Variants in RALGDS observed in about 807,000 individuals in gnomAD.
RALGDS encodes ral guanine nucleotide exchange factor.
Under a neutral mutation model 99.8 loss-of-function variants are expected in RALGDS, and 44 were observed. The observed-to-expected ratio is 0.44, with a 90% CI of 0.35 to 0.57. The LOEUF (loss-of-function observed/expected upper bound fraction) is 0.57, where lower values mean the gene tolerates loss of function less well. Ranked by LOEUF, RALGDS falls within the 20% of genes least tolerant of loss-of-function variation. RALGDS has a pLI of 0.01. For synonymous variants in RALGDS, 529 were observed against 505.0 expected (o/e 1.05, Z -0.64); for missense variants, 1,022 against 1,203.1 (o/e 0.85, Z 2.23).
In RALGDS at chr9:133,106,016, C is replaced by T. The variant is rs1381588873; in HGVS notation, c.1518G>A (p.Arg506=). ...RLKKTWEDVS[R]DSFRIFQKLS... ...GCTTCTGAAAGATCCGGAAACTGTC[C>T]CTGTCAGAAGGGCAAAGAAGGAAAG... Residue 506 remains arginine, a splice_region_variant and synonymous_variant, in exon 9 of 18, where the codon AGG becomes AGA. Coordinates refer to ENST00000372050, the MANE Select transcript of RALGDS (RefSeq NM_006266.4). 5.0e-6 allele frequency: 8 copies of T among 1,607,544 alleles called. No homozygotes were observed. The highest frequency in any genetic ancestry group is 1.1e-5 in the South Asian group (1 of 90,824).
At chr9:133,123,815 G>T (rs56296418), upstream of RALGDS, among the ~76,000 whole-genome samples, 8,292 of 18,978 alleles carry the variant, frequency 0.44, 2,570 homozygotes, top group Middle Eastern at 0.63. Flanking sequence ...GACACACACA[G>T]AGAGACAGAG....
At chr9:133,102,748 C>G in intron 13 of RALGDS, 31 bp downstream of exon 13, 4 of 1,607,194 alleles carry the variant, frequency 2.5e-6, no homozygotes, top group African/African-American at 1.3e-5. Context: ...CAGCCTGCCC[C>G]CACTGTCCCC....
intron 6 of RALGDS, 61 bp downstream of exon 6, chr9:133,107,926 TG>T: frequency 6.3e-7 from 1 of 1,589,352 alleles, no homozygotes; most frequent in Non-Finnish European, 8.6e-7. Context: ...ATGGTAGGTC[TG>T]GGACAGCAGA....
chr9:133,108,177 C>G lies in RALGDS; in HGVS notation c.1008G>C (p.Glu336Asp). 6.2e-7 allele frequency: 1 copy of G among 1,613,022 alleles called. No homozygotes were observed. Among genetic ancestry groups the G allele is most frequent in the Non-Finnish European group, 8.5e-7 (1 of 1,179,978 alleles). Residue 336 changes from glutamate to aspartate, a missense_variant, in exon 6 of 18, where the codon GAG becomes GAC. By Grantham distance (45) the Glu-to-Asp change is conservative. Coordinates refer to ENST00000372050, the MANE Select transcript of RALGDS (RefSeq NM_006266.4). ...GAGCTGGATCCTGTTCTGGAGCTGG[C>G]TCTAGTTCCAGAGCTGGCGCTGGAG... ...ESAPAPALEL[E>D]PAPEQDPAPS...
At chr9:133,104,554 G>A (rs1588515552) in intron 9 of RALGDS, 3 of 563,934 alleles carry the variant, frequency 5.3e-6, no homozygotes, top group Non-Finnish European at 9.6e-6. Context: ...GCTCACGCCT[G>A]TAATCCCAGC....
intron 1 of RALGDS, among the ~76,000 whole-genome samples, chr9:133,147,526 C>G (rs951862426): frequency 8.5e-5 from 13 of 152,170 alleles, no homozygotes; most frequent in Admixed American, 7.9e-4. Context: ...AAAGAGGAAG[C>G]TCTTGGAGCC....
chr9:133,126,838 G>A (rs544782033), intron 1 of RALGDS, among the ~76,000 whole-genome samples: 7 of 152,192 alleles, frequency 4.6e-5, no homozygotes, highest in Non-Finnish European at 7.3e-5. Flanking sequence ...GGCATCTTAA[G>A]TCACTCTCTG....
At chr9:133,102,607 G>A (rs1215718935) in intron 13 of RALGDS, 36 bp from the exon 14 acceptor site, 6 of 1,609,266 alleles carry the variant, frequency 3.7e-6, no homozygotes, top group Non-Finnish European at 5.1e-6. Context: ...ACAACCAGGG[G>A]CCATGCTCCG....
intron 1 of RALGDS, among the ~76,000 whole-genome samples, chr9:133,136,436 G>A (rs766251846): frequency 4.6e-5 from 7 of 151,962 alleles, no homozygotes; most frequent in Non-Finnish European, 1.0e-4. Context: ...TCAGGAGTTC[G>A]AGACCAGCCT....
chr9:133,110,828 T>C (rs1474990518), intron 2 of RALGDS, among the ~76,000 whole-genome samples: 5 of 152,180 alleles, frequency 3.3e-5, no homozygotes, highest in Non-Finnish European at 7.3e-5. Flanking sequence ...ACGCCTGTCA[T>C]CCCAGCATTT....
At chr9:133,105,637 C>T (rs1201057830) in intron 9 of RALGDS, among the ~76,000 whole-genome samples, 2 of 152,156 alleles carry the variant, frequency 1.3e-5, no homozygotes, top group African/African-American at 4.8e-5. Flanking sequence ...GGCGAGGAAG[C>T]CAGAGGCCTG....
At chr9:133,142,587 C>T (rs563381579) in intron 1 of RALGDS, among the ~76,000 whole-genome samples, 12 of 152,306 alleles carry the variant, frequency 7.9e-5, no homozygotes, top group Admixed American at 7.2e-4. Context: ...GGCTTGGCTG[C>T]CCTGGGAGGG....
chr9:133,135,794 C>G (rs1225111474), upstream of RALGDS, among the ~76,000 whole-genome samples: 1 of 152,206 alleles, frequency 6.6e-6, no homozygotes, highest in African/African-American at 2.4e-5. Context: ...GGATGGGAAG[C>G]ACTCAAGATA....
At chr9:133,137,500 G>A (rs1832446642) in intron 1 of RALGDS, among the ~76,000 whole-genome samples, 1 of 152,274 alleles carries the variant, frequency 6.6e-6, no homozygotes, top group Non-Finnish European at 1.5e-5. Context: ...GCCTGAGGGA[G>A]GGCAGGGGGC....
intron 1 of RALGDS, among the ~76,000 whole-genome samples, chr9:133,138,990 G>A (rs1235658178): frequency 6.6e-6 from 1 of 152,230 alleles, no homozygotes; most frequent in Non-Finnish European, 1.5e-5. Flanking sequence ...CACACTCACT[G>A]TGGCAACGTG....
intron 8 of RALGDS, 32 bp downstream of exon 8, chr9:133,106,613 T>G (rs1414403222): frequency 2.6e-6 from 4 of 1,516,082 alleles, no homozygotes; most frequent in Non-Finnish European, 3.6e-6. Flanking sequence ...AGGTCCCTGG[T>G]GCACCAGGAG....
upstream of RALGDS, among the ~76,000 whole-genome samples, chr9:133,125,611 C>T (rs964718955): frequency 6.6e-6 from 1 of 152,124 alleles, no homozygotes; most frequent in Non-Finnish European, 1.5e-5. Context: ...TGACGCGTGC[C>T]TGTAATCCCA....
rs1482802229 is a variant in RALGDS at position 133,108,696 on chromosome 9, T to C, written c.755A>G (p.Glu252Gly). 8 of 1,613,486 alleles carry C rather than the reference T, an allele frequency of 5.0e-6. No individual in the cohort carries two copies. The highest frequency in any genetic ancestry group is 6.8e-6 in the Non-Finnish European group (8 of 1,179,998). The change falls in exon 5 of 18, where the codon GAA becomes GGA. Residue 252 changes from glutamate (E) to glycine (G), a missense_variant. By Grantham distance (98) the Glu-to-Gly change is moderately conservative. This residue lies in a region of RALGDS where 825 missense variants were observed against 994.5 expected (regional missense o/e 0.83). Coordinates refer to ENST00000372050, the MANE Select transcript of RALGDS (RefSeq NM_006266.4). ...HLLLAQLEHSEPIEAEPEALS... is the reference protein window; with the variant it reads ...HLLLAQLEHSGPIEAEPEALS... Reference sequence around the variant, plus strand: ...ACCCTCAGGCTCTGCCTCAATGGGTTCCGAGTGCTCCAGCTGGGCCAGGAG... The same window carrying C: ...ACCCTCAGGCTCTGCCTCAATGGGTCCCGAGTGCTCCAGCTGGGCCAGGAG...
rs1254650988 is a variant in RALGDS, at chr9:133,104,330, T to C, written c.1604A>G (p.Glu535Gly). 6.2e-7 allele frequency: 1 copy of C among 1,612,352 alleles called. No homozygotes were observed. The highest frequency in any genetic ancestry group is 8.5e-7 in the Non-Finnish European group (1 of 1,178,458). ...CAGGGTGGCAAACTTGGAGGTGCCC[T>C]CCTGCCAGGGTAGAGGACAGGGTCA... ...YSLSRELLIK[E>G]GTSKFATLEM... is the part of the protein sequence containing the mutation. Residue 535 changes from glutamate to glycine, a missense_variant and splice_region_variant, in exon 10 of 18, where the codon GAG becomes GGG. Physicochemically the swap from Glu to Gly is moderately conservative, Grantham distance 98. Around this residue, in one of 3 missense-constraint regions of RALGDS, gnomAD observed 825 missense variants for 994.5 expected, o/e 0.83. Coordinates refer to ENST00000372050, the MANE Select transcript of RALGDS (RefSeq NM_006266.4).
Sources: allele counts gnomAD v4.1 joint callset (sites outside exome capture counted in the v4.1 genomes callset), GRCh38; gene constraint gnomAD v4.1.1; regional missense constraint gnomAD v4.1.1; transcripts MANE v1.5; gene names NCBI Gene and HGNC (gene_info 2026-07-23, HGNC 2026-07-21).